ZNF276: variants seen among roughly 807,000 people sequenced by gnomAD.
ZNF276 encodes the protein centromere protein Z.
In ZNF276, 59 loss-of-function variants were observed where a neutral mutation model predicts 63.9. That is an observed-to-expected ratio of 0.92 (90% CI 0.75 to 1.15). The LOEUF is 1.15. Ranked by LOEUF, ZNF276 falls within the 50% of genes most tolerant of loss-of-function variation. ZNF276 has a pLI of 0.00. For missense variants in ZNF276, 1,084 were observed against 843.8 expected, an observed-to-expected ratio of 1.28 and a Z score of -3.53; for synonymous variants, 496 against 348.4, an observed-to-expected ratio of 1.42 and a Z score of -4.72.
Position 89,740,768 on chromosome 16 carries a change from G to C in ZNF276, c.*2522G>C. 1 of 1,597,292 alleles carries C rather than the reference G, an allele frequency of 6.3e-7. No individual in the cohort carries two copies. The highest frequency in any genetic ancestry group is 1.1e-5 in the South Asian group (1 of 89,996). ...CTGGTGCCCCTGCCTGGCCCACAGT[G>C]GGAGAGGACACCTTGGCTGGTAAGG... On this transcript the variant is annotated 3_prime_UTR_variant, in exon 11 of 11. Coordinates refer to ENST00000443381, the MANE Select transcript of ZNF276 (RefSeq NM_001113525.2).
Position 89,740,482 on chromosome 16 carries a change from A to G in ZNF276, c.*2236A>G, listed in dbSNP as rs1412141682. 1 of 464,624 alleles carries G rather than the reference A, an allele frequency of 2.2e-6. No individual in the cohort carries two copies. The highest frequency in any genetic ancestry group is 3.7e-5 in the Admixed American group (1 of 27,046). 28.8% of individuals were successfully genotyped at this position (464,624 alleles called of 1,614,324 possible). A position where few individuals can be genotyped will look rare whatever the true frequency, so the allele number is the denominator to read the frequency against. On this transcript the variant is annotated 3_prime_UTR_variant, in exon 11 of 11. Coordinates refer to ENST00000443381, the MANE Select transcript of ZNF276 (RefSeq NM_001113525.2). Reference sequence around the variant, plus strand: ...AAACCCCGTCTCTACTAAAAATACAAAAATTAGCCGGGTGTGACAGACTCA... The same window carrying G: ...AAACCCCGTCTCTACTAAAAATACAGAAATTAGCCGGGTGTGACAGACTCA...
At chr16:89,728,527 T>C (rs958894820) in intron 5 of ZNF276, among the ~76,000 whole-genome samples, 14 of 152,204 alleles carry the variant, frequency 9.2e-5, no homozygotes, top group African/African-American at 1.4e-4. Context: ...CCTCAGCCTC[T>C]GAGTCGCTGG....
rs1157278894 is a variant in ZNF276 at position 89,734,053 on chromosome 16, A to G, written c.1474+15A>G. ...CATCCACACAGGTACGCCTATCGCCAGTGTCGCCCACGCGGGTGACAGCCA... is the reference window on the plus strand; with the variant it reads ...CATCCACACAGGTACGCCTATCGCCGGTGTCGCCCACGCGGGTGACAGCCA... On this transcript the variant is annotated intron_variant, in intron 9 of 10. Coordinates refer to ENST00000443381, the MANE Select transcript of ZNF276 (RefSeq NM_001113525.2). 1 of 1,610,484 alleles carries G rather than the reference A, an allele frequency of 6.2e-7. No homozygotes were observed. The highest frequency in any genetic ancestry group is 8.5e-7 in the Non-Finnish European group (1 of 1,177,186).
chr16:89,724,825 C>T (rs555493441), intron 4 of ZNF276, among the ~76,000 whole-genome samples: 138 of 132,520 alleles, frequency 1.0e-3, no homozygotes, highest in Non-Finnish European at 2.0e-3. Context: ...TATCTATCTA[C>T]CTACCTACCT....
intron 9 of ZNF276, among the ~76,000 whole-genome samples, chr16:89,736,357 CTG>C (rs71389420): frequency 0.019 from 2,549 of 135,324 alleles, 37 homozygotes; most frequent in South Asian, 0.096. Flanking sequence ...CCGGGACAGT[CTG>C]TGTCGCCCAG....
intron 8 of ZNF276, 139 bp downstream of exon 8, chr16:89,733,696 C>A: frequency 2.9e-6 from 3 of 1,021,002 alleles, no homozygotes; most frequent in Non-Finnish European, 4.4e-6. Context: ...TGAAGCAGTC[C>A]TAGCCAGTGC....
chr16:89,740,051 CGAG>C lies in ZNF276; in HGVS notation c.*1808_*1810del. The C allele has an allele frequency of 5.0e-6, 8 of 1,614,172 alleles. No individual in the cohort carries two copies. The highest frequency in any genetic ancestry group is 6.8e-6 in the Non-Finnish European group (8 of 1,180,032). ...GATATCTTCCTCTTCTCTAAACACT[CGAG>C]GATTGCTGCACAAACGTGGAAAGCC... On this transcript the variant is annotated 3_prime_UTR_variant, in exon 11 of 11. Transcript: ENST00000443381.
rs558916721 is a variant in ZNF276 at position 89,738,748 on chromosome 16, T to G, written c.*502T>G. ...CAGGTCCTCAGCCCATGCCGCCCACTAGGCCTCAGACCACAGGGGAGGGGC... is the reference window on the plus strand; with the variant it reads ...CAGGTCCTCAGCCCATGCCGCCCACGAGGCCTCAGACCACAGGGGAGGGGC... On this transcript the variant is annotated 3_prime_UTR_variant, in exon 11 of 11. Transcript: ENST00000443381. 6.2e-7 allele frequency: 1 copy of G among 1,612,854 alleles called. No homozygotes were observed. Among genetic ancestry groups the G allele is most frequent in the Admixed American group, 1.7e-5 (1 of 59,706 alleles).
rs2062031274 is a variant in ZNF276, at chr16:89,738,686, C to G, written c.*440C>G. 4 of 1,613,838 alleles carry G rather than the reference C, an allele frequency of 2.5e-6. No individual in the cohort carries two copies. Among genetic ancestry groups the G allele is most frequent in the African/African-American group, 1.3e-5 (1 of 74,938 alleles). ...GAGGGCGGCGCTCACCTCTGGGTCGCAGTCCCCACGATCAGCCAGCAGCTG... is the reference window on the plus strand; with the variant it reads ...GAGGGCGGCGCTCACCTCTGGGTCGGAGTCCCCACGATCAGCCAGCAGCTG... On this transcript the variant is annotated 3_prime_UTR_variant, in exon 11 of 11. Coordinates refer to ENST00000443381, the MANE Select transcript of ZNF276 (RefSeq NM_001113525.2).
Position 89,740,035 on chromosome 16 carries a change from C to T in ZNF276, c.*1789C>T. Reference sequence around the variant, plus strand: ...AAAGAGTGCCAGCCAGGATATCTTCCTCTTCTCTAAACACTCGAGGATTGC... The same window carrying T: ...AAAGAGTGCCAGCCAGGATATCTTCTTCTTCTCTAAACACTCGAGGATTGC... On this transcript the variant is annotated 3_prime_UTR_variant, in exon 11 of 11. Coordinates refer to ENST00000443381, the MANE Select transcript of ZNF276 (RefSeq NM_001113525.2). The T allele has an allele frequency of 1.2e-6, 2 of 1,614,212 alleles. No homozygotes were observed. The highest frequency in any genetic ancestry group is 1.6e-4 in the Middle Eastern group (1 of 6,062).
chr16:89,739,905 C>G lies in ZNF276; in HGVS notation c.*1659C>G. 1 of 1,584,044 alleles carries G rather than the reference C, an allele frequency of 6.3e-7. No homozygotes were observed. Among genetic ancestry groups the G allele is most frequent in the Non-Finnish European group, 8.6e-7 (1 of 1,162,976 alleles). On this transcript the variant is annotated 3_prime_UTR_variant, in exon 11 of 11. Transcript: ENST00000443381. ...GCTTATAAACTTACTTAGCAAGGAA[C>G]CTCAAGGAGGGCTCGTTCTTAACCA... is the stretch of plus-strand genomic sequence containing the variant.
rs1189106357 is a variant in ZNF276 at position 89,739,555 on chromosome 16, T to G, written c.*1309T>G. The G allele has an allele frequency of 6.4e-7, 1 of 1,551,074 alleles. No homozygotes were observed. Among genetic ancestry groups the G allele is most frequent in the Non-Finnish European group, 8.7e-7 (1 of 1,147,002 alleles). Reference sequence around the variant, plus strand: ...GGAGGAGCCGCCCCAGCCTGAGGTCTGCAACACCAAGAAGTGGCTCAGGCA... The same window carrying G: ...GGAGGAGCCGCCCCAGCCTGAGGTCGGCAACACCAAGAAGTGGCTCAGGCA... On this transcript the variant is annotated 3_prime_UTR_variant, in exon 11 of 11. Coordinates refer to ENST00000443381, the MANE Select transcript of ZNF276 (RefSeq NM_001113525.2).
At position 89,739,065 on chromosome 16, in the gene ZNF276, T is replaced by C; in HGVS notation, c.*819T>C. The C allele has an allele frequency of 1.9e-6, 3 of 1,613,986 alleles. No individual in the cohort carries two copies. The highest frequency in any genetic ancestry group is 2.5e-6 in the Non-Finnish European group (3 of 1,179,892). On this transcript the variant is annotated 3_prime_UTR_variant, in exon 11 of 11. Transcript: ENST00000443381. The stretch of plus-strand genomic sequence containing the variant: ...ATAGTCTGCATGCTGTGCCGGAACA[T>C]TCTTTGGCAGAAGGAGCCTCCGGCT...
chr16:89,732,032 TCA>T (rs1396537602), intron 6 of ZNF276: 1 of 152,280 alleles, frequency 6.6e-6, no homozygotes, highest in Non-Finnish European at 1.5e-5. Flanking sequence ...TTTCAGTCCT[TCA>T]CAGTTGAGCG....
chr16:89,722,769 C>A lies in ZNF276; in HGVS notation c.444C>A (p.Ser148Arg). The change falls in exon 2 of 11, where the codon AGC (serine) becomes AGA (arginine). Residue 148 changes from serine (S) to arginine (R), a missense_variant. Coordinates refer to ENST00000443381, the MANE Select transcript of ZNF276 (RefSeq NM_001113525.2). ...SCHAQFYQCH[S>R]LLKSFLQRVN... Reference sequence around the variant, plus strand: ...ACGCCCAGTTCTACCAGTGCCACAGCCTTCTCAAGTCCTTCCTGCAGAGGG... The same window carrying A: ...ACGCCCAGTTCTACCAGTGCCACAGACTTCTCAAGTCCTTCCTGCAGAGGG... 6.2e-7 allele frequency: 1 copy of A among 1,610,306 alleles called. No individual in the cohort carries two copies. Among genetic ancestry groups the A allele is most frequent in the Non-Finnish European group, 8.5e-7 (1 of 1,180,014 alleles).
intron 4 of ZNF276, 84 bp downstream of exon 4, chr16:89,723,793 A>G: frequency 7.3e-7 from 1 of 1,378,180 alleles, no homozygotes; most frequent in South Asian, 1.4e-5. Context: ...GAATGTCTCC[A>G]CTGCTCTAGG....
At chr16:89,725,705 C>T (rs2151669492) in intron 4 of ZNF276, among the ~76,000 whole-genome samples, 1 of 152,118 alleles carries the variant, frequency 6.6e-6, no homozygotes, top group Admixed American at 6.5e-5. Context: ...GCAGGAGAAT[C>T]GCTTGACCCT....
At position 89,733,930 on chromosome 16, in the gene ZNF276, A is replaced by G. The variant is rs1211477278; in HGVS notation, c.1366A>G (p.Lys456Glu). 6.2e-7 allele frequency: 1 copy of G among 1,613,636 alleles called. No homozygotes were observed. Among genetic ancestry groups the G allele is most frequent in the African/African-American group, 1.3e-5 (1 of 74,890 alleles). ...CGAGTCTCTCCTTCAGAAGCACATC[A>G]AGGAGCACCACGAGGAGGTCCGGGA... ...RGADGMKKHI[K>E]EHHEEVRERP... is the part of the protein sequence containing the mutation. Residue 456 changes from lysine to glutamate, a missense_variant, in exon 9 of 11, where the codon AAG becomes GAG. Physicochemically the swap from Lys to Glu is moderately conservative, Grantham distance 56. Transcript: ENST00000443381.
chr16:89,732,842 C>T (rs2061708886), intron 6 of ZNF276: 1 of 221,370 alleles, frequency 4.5e-6, no homozygotes, highest in Non-Finnish European at 9.0e-6. Context: ...GTGTCCTGCG[C>T]CCTTGCCCTC....
Sources: allele counts gnomAD v4.1 joint callset (sites outside exome capture counted in the v4.1 genomes callset), GRCh38; gene constraint gnomAD v4.1.1; transcripts MANE v1.5; gene names NCBI Gene and HGNC (gene_info 2026-07-23, HGNC 2026-07-21).